WNT5B: variants seen among roughly 807,000 people sequenced by gnomAD.
WNT5B encodes Wnt family member 5B.
A neutral mutation model predicts 36.5 loss-of-function variants in WNT5B; 18 were observed. The observed-to-expected ratio is 0.49, with a 90% CI of 0.34 to 0.73. WNT5B has a LOEUF of 0.73. WNT5B is among the 30% of genes least tolerant of loss of function. WNT5B has a pLI of 0.01. For missense variants in WNT5B, 424 were observed against 508.4 expected, an observed-to-expected ratio of 0.83 and a Z score of 1.60; for synonymous variants, 213 against 212.3, an observed-to-expected ratio of 1.00 and a Z score of -0.03.
intron 1 of WNT5B, among the ~76,000 whole-genome samples, chr12:1,621,506 T>C (rs1444091495): frequency 1.3e-5 from 2 of 152,150 alleles, no homozygotes; most frequent in African/African-American, 2.4e-5. Flanking sequence ...CCTGGGTAAT[T>C]GATGCTGAAT....
Position 1,630,099 on chromosome 12 carries a change from GC to G in WNT5B, c.-58+732del. ...CTCGGGCCACTGTCCTCTCCTGGCGGCCCCAGGACAAAAATACTTCCCGGGC... is the reference window on the plus strand; with the variant it reads ...CTCGGGCCACTGTCCTCTCCTGGCGGCCCAGGACAAAAATACTTCCCGGGC... On this transcript the variant is annotated intron_variant, in intron 1 of 4. Coordinates refer to ENST00000397196, the MANE Select transcript of WNT5B (RefSeq NM_032642.3). This position sits in a 1 kb window ranked among gnomAD's most constrained non-coding sequence, Gnocchi z 5.3. 2.0e-6 allele frequency: 2 copies of G among 979,534 alleles called. No individual in the cohort carries two copies. The highest frequency in any genetic ancestry group is 2.4e-6 in the Non-Finnish European group (2 of 824,534). 60.7% of individuals were successfully genotyped at this position (979,534 alleles called of 1,614,324 possible).
At chr12:1,641,812 A>G (rs899134298) in intron 4 of WNT5B, among the ~76,000 whole-genome samples, 3 of 152,216 alleles carry the variant, frequency 2.0e-5, no homozygotes, top group Non-Finnish European at 1.5e-5. Flanking sequence ...AAATAGAAAG[A>G]AAAAAGAAAA....
At chr12:1,624,844 G>T (rs746624373), upstream of WNT5B, among the ~76,000 whole-genome samples, 1 of 152,044 alleles carries the variant, frequency 6.6e-6, no homozygotes, top group South Asian at 2.1e-4. Flanking sequence ...GCATAAGTGG[G>T]GTAGGGAGGT....
intron 3 of WNT5B, among the ~76,000 whole-genome samples, chr12:1,634,791 G>A (rs958996178): frequency 1.3e-5 from 2 of 152,152 alleles, no homozygotes; most frequent in Non-Finnish European, 1.5e-5. Context: ...ACCAGAGGGC[G>A]GCAGAGCAGC....
In WNT5B at chr12:1,635,383, C is replaced by T. The variant is rs188384414; in HGVS notation, c.328+2478C>T. ...CATATGTAGCTTGGAAAAGTGAAAA[C>T]GTAAAAGGCTTAATAGTTGTTTTCA... On this transcript the variant is annotated intron_variant, in intron 3 of 4. Transcript: ENST00000397196. Among the ~76,000 whole-genome samples, 304 of 152,238 alleles carry T rather than the reference C, an allele frequency of 2.0e-3. 2 individuals carry two copies. Among genetic ancestry groups the T allele is most frequent in the African/African-American group, 6.0e-3 (251 of 41,530 alleles).
At chr12:1,620,807 G>A (rs1017543577) in intron 1 of WNT5B, among the ~76,000 whole-genome samples, 23 of 151,332 alleles carry the variant, frequency 1.5e-4, no homozygotes, top group South Asian at 8.3e-4. Context: ...GGGTTCAAGC[G>A]ATTCTCCTGC....
upstream of WNT5B, among the ~76,000 whole-genome samples, chr12:1,625,809 A>G (rs761515496): frequency 2.6e-5 from 4 of 151,960 alleles, no homozygotes; most frequent in Non-Finnish European, 4.4e-5. Flanking sequence ...AATTACAGGC[A>G]CCCATCACCA....
chr12:1,634,803 C>T lies in WNT5B; in HGVS notation c.328+1898C>T, dbSNP rs558491827. On this transcript the variant is annotated intron_variant, in intron 3 of 4. Coordinates refer to ENST00000397196, the MANE Select transcript of WNT5B (RefSeq NM_032642.3). ...GTCACCAGAGGGCGGCAGAGCAGCT[C>T]GGAGGAGCCTCGGCCCGTTGCCCAG... Among the ~76,000 whole-genome samples, 68 of 152,260 alleles carry T rather than the reference C, an allele frequency of 4.5e-4. No individual in the cohort carries two copies. The South Asian group carries it at 7.0e-3, about 16-fold the overall frequency.
intron 3 of WNT5B, among the ~76,000 whole-genome samples, chr12:1,638,723 C>T (rs1183255458): frequency 1.3e-5 from 2 of 152,168 alleles, no homozygotes; most frequent in Non-Finnish European, 2.9e-5. Context: ...ATTGTAGGTG[C>T]TGTAGATGTT....
rs918875376 is a variant in WNT5B at position 1,618,542 on chromosome 12, C to T, written c.-58+1399C>T. Among the ~76,000 whole-genome samples, 1 of 152,228 alleles carries T rather than the reference C, an allele frequency of 6.6e-6. No homozygotes were observed. Among genetic ancestry groups the T allele is most frequent in the African/African-American group, 2.4e-5 (1 of 41,458 alleles). On this transcript the variant is annotated intron_variant, in intron 1 of 4. Coordinates refer to the WNT5B transcript ENST00000310594. This position sits in a 1 kb window ranked among gnomAD's most constrained non-coding sequence, Gnocchi z 4.1. ...AAAACAAAGTCCATAGCCTTGTTCT[C>T]TTGAAACAATTCCTAAACCACACTG...
chr12:1,624,117 C>T (rs574418954), intron 1 of WNT5B, among the ~76,000 whole-genome samples: 43 of 152,156 alleles, frequency 2.8e-4, no homozygotes, highest in East Asian at 1.9e-3. Context: ...CTGGGTACCG[C>T]GGCTCACGCC....
chr12:1,620,342 T>G (rs2094532138), intron 1 of WNT5B, among the ~76,000 whole-genome samples: 1 of 152,258 alleles, frequency 6.6e-6, no homozygotes, highest in Admixed American at 6.5e-5. Context: ...TTCATATACT[T>G]TCTTGTGACT....
At chr12:1,631,163 G>T in intron 1 of WNT5B, 135 bp from the exon 2 acceptor site, 1 of 738,552 alleles carries the variant, frequency 1.4e-6, no homozygotes, top group East Asian at 2.9e-5. Context: ...GCGGAGGCTG[G>T]AAAGAGGCCG....
intron 4 of WNT5B, among the ~76,000 whole-genome samples, chr12:1,642,919 C>T (rs1486087602): frequency 6.6e-6 from 1 of 152,152 alleles, no homozygotes; most frequent in Non-Finnish European, 1.5e-5. Context: ...TTTTTATCCT[C>T]TCTCCAAGGA....
Position 1,633,888 on chromosome 12 carries a change from C to T in WNT5B, c.328+983C>T, listed in dbSNP as rs1201569572. Among the ~76,000 whole-genome samples, 1 of 152,242 alleles carries T rather than the reference C, an allele frequency of 6.6e-6. No homozygotes were observed. Among genetic ancestry groups the T allele is most frequent in the Admixed American group, 6.5e-5 (1 of 15,306 alleles). ...TCCCCCTCCCACTTATTCCAGACCTCTTTCCCTACCCTCTCTGTCCCATAT... is the reference window on the plus strand; with the variant it reads ...TCCCCCTCCCACTTATTCCAGACCTTTTTCCCTACCCTCTCTGTCCCATAT... On this transcript the variant is annotated intron_variant, in intron 3 of 4. Coordinates refer to ENST00000397196, the MANE Select transcript of WNT5B (RefSeq NM_032642.3). The surrounding 1 kb of genome is among the most constrained non-coding windows in gnomAD (Gnocchi z 4.8).
At position 1,618,798 on chromosome 12, in the gene WNT5B, C is replaced by T. The variant is rs1269329787; in HGVS notation, c.-58+1655C>T. Among the ~76,000 whole-genome samples, 2 of 152,158 alleles carry T rather than the reference C, an allele frequency of 1.3e-5. No individual in the cohort carries two copies. Among genetic ancestry groups the T allele is most frequent in the Non-Finnish European group, 2.9e-5 (2 of 68,038 alleles). ...AGGGACCCAGAGTCTTAGGGATCTGCTCTGCCTACTTTGTGGAATTTATTC... is the reference window on the plus strand; with the variant it reads ...AGGGACCCAGAGTCTTAGGGATCTGTTCTGCCTACTTTGTGGAATTTATTC... On this transcript the variant is annotated intron_variant, in intron 1 of 4. Coordinates refer to the WNT5B transcript ENST00000310594. The surrounding 1 kb of genome is among the most constrained non-coding windows in gnomAD (Gnocchi z 4.1).
Position 1,633,027 on chromosome 12 carries a change from G to C in WNT5B, c.328+122G>C. 7.0e-7 allele frequency: 1 copy of C among 1,421,464 alleles called. No individual in the cohort carries two copies. Among genetic ancestry groups the C allele is most frequent in the Non-Finnish European group, 9.4e-7 (1 of 1,067,444 alleles). The allele number at this position is 1,421,464 out of a possible 1,614,324, so 88.1% of individuals were successfully genotyped here. A position where few individuals can be genotyped will look rare whatever the true frequency, so the allele number is the denominator to read the frequency against. On this transcript the variant is annotated intron_variant, in intron 3 of 4. Transcript: ENST00000397196. The surrounding 1 kb of genome is among the most constrained non-coding windows in gnomAD (Gnocchi z 4.8). ...AGGCAGCCTAAGTGGGCTCTCTCTA[G>C]GCTTGGCAGCAGTGTGCACCACGAG... is the stretch of plus-strand genomic sequence containing the variant.
chr12:1,638,820 C>A (rs980256276), intron 3 of WNT5B, among the ~76,000 whole-genome samples: 3 of 152,154 alleles, frequency 2.0e-5, no homozygotes, highest in African/African-American at 4.8e-5. Context: ...CATTGTAATT[C>A]TAGTTCATTT....
chr12:1,629,681 C>G (rs1478459636), intron 1 of WNT5B, among the ~76,000 whole-genome samples: 2 of 152,052 alleles, frequency 1.3e-5, no homozygotes, highest in African/African-American at 2.4e-5. Flanking sequence ...CTACTCGGGA[C>G]CTGGTCGCCT....
Sources: allele counts gnomAD v4.1 joint callset (sites outside exome capture counted in the v4.1 genomes callset), GRCh38; gene constraint gnomAD v4.1.1; non-coding constraint Gnocchi (gnomAD v3.1); transcripts MANE v1.5; gene names NCBI Gene and HGNC (gene_info 2026-07-23, HGNC 2026-07-21).